SLC46A1: variants seen among roughly 807,000 people sequenced by gnomAD.
The protein encoded by SLC46A1 is proton-coupled folate transporter.
Under a neutral mutation model 32.1 loss-of-function variants are expected in SLC46A1, and 17 were observed. The observed-to-expected ratio is 0.53, with a 90% CI of 0.36 to 0.79. The LOEUF is 0.79. SLC46A1 is among the 30% of genes least tolerant of loss of function. The pLI is 0.00. For missense variants in SLC46A1, 517 were observed against 588.2 expected (o/e 0.88, Z 1.25); for synonymous variants, 240 against 262.7 (o/e 0.91, Z 0.84).
At position 28,404,989 on chromosome 17, in the gene SLC46A1, C is replaced by A; in HGVS notation, c.708G>T (p.Glu236Asp). 3 of 1,614,012 alleles carry A rather than the reference C, an allele frequency of 1.9e-6. No homozygotes were observed. The highest frequency in any genetic ancestry group is 2.5e-6 in the Non-Finnish European group (3 of 1,179,892). Residue 236 changes from glutamate (E) to aspartate (D), a missense_variant, in exon 2 of 5, where the codon GAG becomes GAT. Physicochemically the swap from Glu to Asp is conservative, Grantham distance 45. Transcript: ENST00000612814. Reference protein sequence around the residue: ...AAFCFGETLKEPKSTRLFTFR... With the variant: ...AAFCFGETLKDPKSTRLFTFR... ...ACGTGAAGAGCCGGGTGGACTTTGG[C>A]TCCTTTAAGGTCTCACCAAAGCAGA...
chr17:28,406,137 G>A lies in SLC46A1; in HGVS notation c.-23C>T. ...CATGTGCGTGCGCGGCGGAGCTGTCGCCAGGCGGGCGGCGGGGCGCGCGAG... is the reference window on the plus strand; with the variant it reads ...CATGTGCGTGCGCGGCGGAGCTGTCACCAGGCGGGCGGCGGGGCGCGCGAG... On this transcript the variant is annotated 5_prime_UTR_variant, in exon 1 of 5. Transcript: ENST00000612814. This position sits in a 1 kb window ranked among gnomAD's most constrained non-coding sequence, Gnocchi z 4.5. The A allele has an allele frequency of 5.1e-6, 7 of 1,359,690 alleles. No individual in the cohort carries two copies. The highest frequency in any genetic ancestry group is 6.6e-6 in the Non-Finnish European group (7 of 1,059,156). The allele number at this position is 1,359,690 out of a possible 1,614,324, so 84.2% of individuals were successfully genotyped here. A position where few individuals can be genotyped will look rare whatever the true frequency, so the allele number is the denominator to read the frequency against.
chr17:28,398,091 A>G lies in SLC46A1; in HGVS notation c.*1565T>C, dbSNP rs2068153075. The G allele has an allele frequency of 6.6e-6, 1 of 152,480 alleles. No individual in the cohort carries two copies. Among genetic ancestry groups the G allele is most frequent in the Non-Finnish European group, 1.5e-5 (1 of 68,234 alleles). The allele number at this position is 152,480 out of a possible 1,614,324, so 9.4% of individuals were successfully genotyped here. ...CCGGGGCCAGAGCCAGGGCATGGATATGACAAGCAGGGCAGCCTGGACACT... is the reference window on the plus strand; with the variant it reads ...CCGGGGCCAGAGCCAGGGCATGGATGTGACAAGCAGGGCAGCCTGGACACT... On this transcript the variant is annotated 3_prime_UTR_variant, in exon 5 of 5. Coordinates refer to ENST00000612814, the MANE Select transcript of SLC46A1 (RefSeq NM_080669.6).
chr17:28,400,003 C>T (rs2068176747), intron 4 of SLC46A1: 1 of 404,136 alleles, frequency 2.5e-6, no homozygotes, highest in Non-Finnish European at 4.6e-6. Context: ...AAGTGATCCT[C>T]CTGCCTCAGC....
intron 1 of SLC46A1, 46 bp downstream of exon 1, chr17:28,405,841 C>T: frequency 1.3e-6 from 2 of 1,524,606 alleles, no homozygotes; most frequent in Non-Finnish European, 1.8e-6. Flanking sequence ...CCCCCACGCT[C>T]CAGACCAGGG....
At chr17:28,404,500 A>G in intron 2 of SLC46A1, 116 bp downstream of exon 2, 1 of 1,356,726 alleles carries the variant, frequency 7.4e-7, no homozygotes, top group Non-Finnish European at 1.0e-6. Flanking sequence ...GGCTGGGGGC[A>G]TAACTATGTT....
Position 28,406,108 on chromosome 17 carries a change from C to G in SLC46A1, c.7G>C (p.Gly3Arg). The G allele has an allele frequency of 6.7e-7, 1 of 1,501,530 alleles. No individual in the cohort carries two copies. Among genetic ancestry groups the G allele is most frequent in the Non-Finnish European group, 8.9e-7 (1 of 1,126,650 alleles). The allele number at this position is 1,501,530 out of a possible 1,614,324, so 93.0% of individuals were successfully genotyped here. The change falls in exon 1 of 5, where the codon GGG (glycine) becomes CGG (arginine). Residue 3 changes from glycine (G) to arginine (R), a missense_variant. Transcript: ENST00000612814. This position sits in a 1 kb window ranked among gnomAD's most constrained non-coding sequence, Gnocchi z 4.5. ...GGCTTTTCCGGGGGGCTCGCGCTCCCCTCCATGTGCGTGCGCGGCGGAGCT... is the reference window on the plus strand; with the variant it reads ...GGCTTTTCCGGGGGGCTCGCGCTCCGCTCCATGTGCGTGCGCGGCGGAGCT... Reference protein sequence around the residue: MEGSASPPEKPRA... With the variant: MERSASPPEKPRA...
Position 28,396,328 on chromosome 17 carries a change from A to G in SLC46A1, c.*3328T>C. ...CAGCCCTGCTGTGACTTCCATTTCC[A>G]TCGTCCTTTCTGAAGGAACAGCTCC... On this transcript the variant is annotated 3_prime_UTR_variant, in exon 5 of 5. Coordinates refer to ENST00000612814, the MANE Select transcript of SLC46A1 (RefSeq NM_080669.6). 1 of 1,609,420 alleles carries G rather than the reference A, an allele frequency of 6.2e-7. No homozygotes were observed. The highest frequency in any genetic ancestry group is 1.1e-5 in the South Asian group (1 of 90,902).
chr17:28,403,203 G>C (rs1231740903), intron 2 of SLC46A1: 2 of 152,260 alleles, frequency 1.3e-5, no homozygotes, highest in Admixed American at 6.5e-5. Context: ...AACTGTGAGA[G>C]AATATGTTTC....
chr17:28,405,148 C>T lies in SLC46A1; in HGVS notation c.549G>A (p.Leu183=), dbSNP rs1555590755. The T allele has an allele frequency of 1.2e-6, 2 of 1,611,928 alleles. No homozygotes were observed. Among genetic ancestry groups the T allele is most frequent in the East Asian group, 2.2e-5 (1 of 44,836 alleles). The change falls in exon 2 of 5, where the codon CTG becomes CTA. Residue 183 remains leucine (L), a synonymous_variant. Coordinates refer to ENST00000612814, the MANE Select transcript of SLC46A1 (RefSeq NM_080669.6). The stretch of plus-strand genomic sequence containing the variant: ...CAGCCACCCCGATGCTGGCTTCCAG[C>T]AGGGCCATCCGGAAGGTGCGGCTGC... ...SSRSRTFRMA[L]LEASIGVAGM...
At chr17:28,405,800 C>G (rs888067599) in intron 1 of SLC46A1, 87 bp downstream of exon 1, 1 of 1,380,164 alleles carries the variant, frequency 7.2e-7, no homozygotes, top group Non-Finnish European at 9.7e-7. Flanking sequence ...TTACCCGCCA[C>G]TACCATTACG....
intron 2 of SLC46A1, chr17:28,402,981 G>C (rs782046771): frequency 6.6e-6 from 1 of 152,272 alleles, no homozygotes; most frequent in Non-Finnish European, 1.5e-5. Flanking sequence ...ATTTGGCACC[G>C]ACAGAATTGA....
Position 28,400,590 on chromosome 17 carries a change from G to C in SLC46A1, c.1322+20C>G. On this transcript the variant is annotated intron_variant, in intron 4 of 4. Transcript: ENST00000612814. ...GAGAAAGGGCTCCATTATGAGCATG[G>C]GTTCAGGGCCCTGCATTACCCAATC... 1.2e-6 allele frequency: 2 copies of C among 1,613,270 alleles called. No homozygotes were observed. Among genetic ancestry groups the C allele is most frequent in the Non-Finnish European group, 1.7e-6 (2 of 1,179,586 alleles).
At chr17:28,400,471 G>T in intron 4 of SLC46A1, 139 bp downstream of exon 4, 1 of 1,180,662 alleles carries the variant, frequency 8.5e-7, no homozygotes, top group Non-Finnish European at 1.2e-6. Context: ...CCATCTGCAA[G>T]GAGAGGGGCA....
chr17:28,400,381 AG>A (rs2068181200), intron 4 of SLC46A1: 1 of 541,800 alleles, frequency 1.8e-6, no homozygotes, highest in East Asian at 3.3e-5. Context: ...AGCCTTGCCA[AG>A]CAGCAATGTT....
chr17:28,406,109 C>T lies in SLC46A1; in HGVS notation c.6G>A (p.Glu2=). The part of the protein sequence containing the change: M[E]GSASPPEKPR... The stretch of plus-strand genomic sequence containing the variant: ...GCTTTTCCGGGGGGCTCGCGCTCCC[C>T]TCCATGTGCGTGCGCGGCGGAGCTG... Residue 2 remains glutamate (E), a synonymous_variant, in exon 1 of 5, where the codon GAG becomes GAA. Transcript: ENST00000612814. The surrounding 1 kb of genome is among the most constrained non-coding windows in gnomAD (Gnocchi z 4.5). The T allele has an allele frequency of 2.0e-6, 3 of 1,501,644 alleles. No homozygotes were observed. Among genetic ancestry groups the T allele is most frequent in the Non-Finnish European group, 2.7e-6 (3 of 1,126,710 alleles). 93.0% of individuals were successfully genotyped at this position (1,501,644 alleles called of 1,614,324 possible). A position where few individuals can be genotyped will look rare whatever the true frequency, so the allele number is the denominator to read the frequency against.
chr17:28,405,844 G>C, intron 1 of SLC46A1, 43 bp downstream of exon 1: 1 of 1,528,052 alleles, frequency 6.5e-7, no homozygotes, highest in East Asian at 2.5e-5. Context: ...CCACGCTCCA[G>C]ACCAGGGCCC....
Position 28,405,867 on chromosome 17 carries a change from GCT to G in SLC46A1, c.228+18_228+19del. The G allele has an allele frequency of 1.3e-6, 2 of 1,546,560 alleles. No homozygotes were observed. Among genetic ancestry groups the G allele is most frequent in the Non-Finnish European group, 1.7e-6 (2 of 1,145,232 alleles). ...CAGACCAGGGCCCTCCACCTGCCAGGCTCCTCGCCGCCCCGCTACCTGCATGG... is the reference window on the plus strand; with the variant it reads ...CAGACCAGGGCCCTCCACCTGCCAGGCCTCGCCGCCCCGCTACCTGCATGG... On this transcript the variant is annotated intron_variant, in intron 1 of 4. Coordinates refer to ENST00000612814, the MANE Select transcript of SLC46A1 (RefSeq NM_080669.6).
chr17:28,405,266 A>T lies in SLC46A1; in HGVS notation c.431T>A (p.Phe144Tyr). 6.3e-7 allele frequency: 1 copy of T among 1,586,110 alleles called. No homozygotes were observed. The highest frequency in any genetic ancestry group is 1.1e-5 in the South Asian group (1 of 87,362). ...VVQLQLHVGY[F>Y]VLGRILCALL... ...GGCACAAAGGATGCGACCCAGCACGAAGTAGCCGACGTGGAGCTGCAGCTG... is the reference window on the plus strand; with the variant it reads ...GGCACAAAGGATGCGACCCAGCACGTAGTAGCCGACGTGGAGCTGCAGCTG... Residue 144 changes from phenylalanine (F) to tyrosine (Y), a missense_variant, in exon 2 of 5, where the codon TTC becomes TAC. Physicochemically the swap from Phe to Tyr is conservative, Grantham distance 22 (BLOSUM62 3). Transcript: ENST00000612814.
Position 28,396,875 on chromosome 17 carries a change from T to A in SLC46A1, c.*2781A>T, listed in dbSNP as rs551240561. ...GACTAAGTCCCAGATCCCCTACAGC[T>A]TCCTTCGGTGTGGTATCTTTTGCCA... On this transcript the variant is annotated 3_prime_UTR_variant, in exon 5 of 5. Transcript: ENST00000612814. 6.6e-6 allele frequency: 1 copy of A among 152,648 alleles called. No homozygotes were observed. Among genetic ancestry groups the A allele is most frequent in the Non-Finnish European group, 1.5e-5 (1 of 68,260 alleles). The allele number at this position is 152,648 out of a possible 1,614,324, so 9.5% of individuals were successfully genotyped here. A position where few individuals can be genotyped will look rare whatever the true frequency, so the allele number is the denominator to read the frequency against.
Sources: gnomAD v4.1 joint callset for allele counts on GRCh38, gnomAD v4.1.1 for gene constraint, Gnocchi (gnomAD v3.1) non-coding constraint, MANE v1.5 for transcripts, NCBI Gene and HGNC (gene_info 2026-07-23, HGNC 2026-07-21) for gene names.